The following INPP4B variants were observed in gnomAD, a reference collection of about 807,000 sequenced individuals.
INPP4B encodes inositol polyphosphate-4-phosphatase type II B.
INPP4B carries 55 observed loss-of-function variants against 122.5 expected under a neutral mutation model. That is an observed-to-expected ratio of 0.45 (90% confidence interval 0.36 to 0.56). The LOEUF (loss-of-function observed/expected upper bound fraction) is 0.56. Ranked by LOEUF, INPP4B falls within the 20% of genes least tolerant of loss-of-function variation. The pLI, the probability that INPP4B is intolerant of heterozygous loss-of-function variation, is 0.00. For missense variants in INPP4B, 1,000 were observed against 1,097.7 expected (o/e 0.91, Z 1.26); for synonymous variants, 403 against 388.7 (o/e 1.04, Z -0.43).
rs1329869830 is a variant in INPP4B, at chr4:142,112,597, C to A, written c.2221G>T (p.Val741Leu). The part of the protein sequence containing the change: ...LQIKEGQLLH[V>L]YPVLFNVGIN... ...CCAACATTAAAAAGTACTGGATACACATGAAGCAACTGTCCTTCTTTAATC... is the reference window on the plus strand; with the variant it reads ...CCAACATTAAAAAGTACTGGATACAAATGAAGCAACTGTCCTTCTTTAATC... The change falls in exon 22 of 26, where the codon GTG becomes TTG. Residue 741 changes from valine (V) to leucine (L), a missense_variant. Val to Leu is a conservative substitution (Grantham distance 32, BLOSUM62 1). Coordinates refer to ENST00000262992, the MANE Select transcript of INPP4B (RefSeq NM_001101669.3). 1 of 1,613,172 alleles carries A rather than the reference C, an allele frequency of 6.2e-7. No homozygotes were observed. Among genetic ancestry groups the A allele is most frequent in the Admixed American group, 1.7e-5 (1 of 59,926 alleles).
At chr4:142,804,649 A>T (rs967436972) in intron 1 of INPP4B, among the ~76,000 whole-genome samples, 1 of 152,090 alleles carries the variant, frequency 6.6e-6, no homozygotes, top group African/African-American at 2.4e-5. Context: ...AACTGACTCA[A>T]AGAACTGCTT....
intron 3 of INPP4B, among the ~76,000 whole-genome samples, chr4:142,460,582 G>C (rs906521088): frequency 6.6e-6 from 1 of 151,962 alleles, no homozygotes; most frequent in Non-Finnish European, 1.5e-5. Context: ...TTCCACGTTT[G>C]AGACACATCT....
At chr4:142,517,148 C>G (rs1825514922) in intron 2 of INPP4B, among the ~76,000 whole-genome samples, 1 of 151,976 alleles carries the variant, frequency 6.6e-6, no homozygotes, top group Non-Finnish European at 1.5e-5. Context: ...GAAATAAATT[C>G]TACAGCAGTC....
chr4:142,418,798 A>T (rs1178610748), intron 5 of INPP4B, among the ~76,000 whole-genome samples: 2 of 152,184 alleles, frequency 1.3e-5, no homozygotes, highest in Non-Finnish European at 2.9e-5. Flanking sequence ...CCATTGGAAG[A>T]TCTTAACTAG....
intron 1 of INPP4B, among the ~76,000 whole-genome samples, chr4:142,845,974 G>A (rs892126746): frequency 6.6e-6 from 1 of 151,922 alleles, no homozygotes; most frequent in Non-Finnish European, 1.5e-5. Flanking sequence ...GCGGTGACAG[G>A]GGTACCCCAG....
rs35595178 is a variant in INPP4B at position 142,530,550 on chromosome 4, C to CAT, written c.-190-67826_-190-67825dup. 7.0e-3 allele frequency among the ~76,000 whole-genome samples: 979 copies of CAT among 140,430 alleles called. 10 individuals carry two copies. Among genetic ancestry groups the CAT allele is most frequent in the Admixed American group, 0.032 (441 of 13,774 alleles). 92.1% of individuals were successfully genotyped at this position (140,430 alleles called of 152,430 possible). A position where few individuals can be genotyped will look rare whatever the true frequency, so the allele number is the denominator to read the frequency against. On this transcript the variant is annotated intron_variant, in intron 2 of 25. Coordinates refer to ENST00000262992, the MANE Select transcript of INPP4B (RefSeq NM_001101669.3). The stretch of plus-strand genomic sequence containing the variant: ...AGTGATATACATATATATGTGTGTG[C>CAT]ATATATATATATATATATATATATA...
chr4:142,421,994 CA>C (rs909765477), intron 5 of INPP4B, among the ~76,000 whole-genome samples: 5 of 152,026 alleles, frequency 3.3e-5, no homozygotes, highest in Non-Finnish European at 5.9e-5. Flanking sequence ...CCAAATCAGA[CA>C]AAACTCAGCT....
chr4:142,078,399 G>C (rs1249661843), intron 25 of INPP4B, among the ~76,000 whole-genome samples: 1 of 151,980 alleles, frequency 6.6e-6, no homozygotes, highest in Non-Finnish European at 1.5e-5. Context: ...AAATGCTTAT[G>C]TATGCACAAT....
chr4:142,374,673 T>C lies in INPP4B; in HGVS notation c.372+28265A>G, dbSNP rs910135798. 4.6e-5 allele frequency among the ~76,000 whole-genome samples: 7 copies of C among 151,920 alleles called. No individual in the cohort carries two copies. In the South Asian group the frequency reaches 1.4e-3, roughly 31 times the overall value. Reference sequence around the variant, plus strand: ...TTAAGAAATGACTAGACAACACTAATTTCTTCATGCTTCTTAAGGAAGTCA... The same window carrying C: ...TTAAGAAATGACTAGACAACACTAACTTCTTCATGCTTCTTAAGGAAGTCA... On this transcript the variant is annotated intron_variant, in intron 7 of 25. Transcript: ENST00000262992.
rs1765043446 is a variant in INPP4B, at chr4:142,310,361, T to C, written c.423+4351A>G. 1.3e-5 allele frequency among the ~76,000 whole-genome samples: 2 copies of C among 152,216 alleles called. 1 individual carries two copies. Among genetic ancestry groups the C allele is most frequent in the South Asian group, 4.1e-4 (2 of 4,834 alleles). On this transcript the variant is annotated intron_variant, in intron 8 of 25. Transcript: ENST00000262992. ...TTAAACTTTGGAATAATATTTTGCA[T>C]ATACTGGGTTAAATAAAACATATTA... is the stretch of plus-strand genomic sequence containing the variant.
intron 2 of INPP4B, among the ~76,000 whole-genome samples, chr4:142,625,015 A>G (rs1745999668): frequency 6.6e-6 from 1 of 150,802 alleles, no homozygotes; most frequent in Non-Finnish European, 1.5e-5. Context: ...ACAAACCCAC[A>G]GCCAATATCA....
intron 7 of INPP4B, among the ~76,000 whole-genome samples, chr4:142,323,649 G>T (rs371956959): frequency 0.016 from 2,476 of 151,860 alleles, 25 homozygotes; most frequent in Non-Finnish European, 0.023. Context: ...GTTTCACCAT[G>T]TTAGCCAGGA....
chr4:142,711,322 A>G (rs1209746156), intron 2 of INPP4B, among the ~76,000 whole-genome samples: 19 of 152,024 alleles, frequency 1.2e-4, no homozygotes. Flanking sequence ...ATTTTTCTCC[A>G]TAGCCCCTTT....
intron 2 of INPP4B, among the ~76,000 whole-genome samples, chr4:142,715,675 G>T (rs1004043991): frequency 3.3e-5 from 5 of 152,218 alleles, no homozygotes; most frequent in Admixed American, 2.6e-4. Flanking sequence ...AGAGCCCTGG[G>T]AAGGAGCTCT....
chr4:142,713,647 A>T (rs914751234), intron 2 of INPP4B, among the ~76,000 whole-genome samples: 1 of 152,218 alleles, frequency 6.6e-6, no homozygotes, highest in Non-Finnish European at 1.5e-5. Flanking sequence ...TTCCAAAATC[A>T]ACCTTTCCAG....
At chr4:142,804,298 A>G (rs1053491962) in intron 1 of INPP4B, among the ~76,000 whole-genome samples, 4 of 152,110 alleles carry the variant, frequency 2.6e-5, no homozygotes, top group Non-Finnish European at 5.9e-5. Flanking sequence ...TTCTTACACT[A>G]ACCTGAAGGG....
intron 2 of INPP4B, among the ~76,000 whole-genome samples, chr4:142,477,138 G>A (rs1003350071): frequency 3.3e-5 from 5 of 152,072 alleles, no homozygotes; most frequent in African/African-American, 9.7e-5. Context: ...ACAATATTAA[G>A]AGAATTGCTC....
chr4:142,196,438 C>G (rs1481172994), intron 14 of INPP4B, among the ~76,000 whole-genome samples: 1 of 152,160 alleles, frequency 6.6e-6, no homozygotes, highest in Non-Finnish European at 1.5e-5. Context: ...TTCCCTGTGA[C>G]AATTACAGAC....
intron 7 of INPP4B, among the ~76,000 whole-genome samples, chr4:142,360,479 G>A (rs1785024463): frequency 6.6e-6 from 1 of 151,962 alleles, no homozygotes; most frequent in Non-Finnish European, 1.5e-5. Context: ...GAAATTCATA[G>A]GTTACCCTGA....
Sources: gnomAD v4.1 joint callset for allele counts (sites outside exome capture counted in the v4.1 genomes callset) on GRCh38, gnomAD v4.1.1 for gene constraint, MANE v1.5 for transcripts, NCBI Gene and HGNC (gene_info 2026-07-23, HGNC 2026-07-21) for gene names.